Variants in ST14 observed in about 807,000 individuals in gnomAD.
ST14 encodes the protein suppressor of tumorigenicity 14 protein.
Under a neutral mutation model 96.5 loss-of-function variants are expected in ST14, and 40 were observed. The ratio of observed to expected loss-of-function variants is 0.41; its 90% CI spans 0.32 to 0.54. ST14 has a LOEUF of 0.54. Among genes scored for constraint, ST14 ranks in the 20% least tolerant of loss-of-function variants. The probability of loss-of-function intolerance (pLI) is 0.17; values close to 1 mark genes in which losing one functional copy is unlikely to be tolerated. For synonymous variants in ST14, 506 were observed against 492.1 expected, an observed-to-expected ratio of 1.03 and a Z score of -0.37; for missense variants, 1,066 against 1,188.9, an observed-to-expected ratio of 0.90 and a Z score of 1.52.
intron 1 of ST14, among the ~76,000 whole-genome samples, chr11:130,184,643 G>T (rs1953221573): frequency 6.6e-6 from 1 of 152,170 alleles, no homozygotes; most frequent in Non-Finnish European, 1.5e-5. Context: ...AAAGGACATT[G>T]TTAGAAATAC....
intron 16 of ST14, among the ~76,000 whole-genome samples, chr11:130,208,144 G>A (rs1953507771): frequency 6.6e-6 from 1 of 152,166 alleles, no homozygotes; most frequent in Admixed American, 6.5e-5. Flanking sequence ...GATCAGGTTC[G>A]TAAGATAACT....
At chr11:130,175,454 A>G (rs1416985169) in intron 1 of ST14, among the ~76,000 whole-genome samples, 5 of 151,706 alleles carry the variant, frequency 3.3e-5, no homozygotes, top group Admixed American at 2.0e-4. Flanking sequence ...ATCTCGGCTC[A>G]TCCCAACCTC....
At chr11:130,198,903 C>T (rs1953398490) in intron 14 of ST14, 44 bp from the exon 15 acceptor site, 1 of 1,612,596 alleles carries the variant, frequency 6.2e-7, no homozygotes, top group Non-Finnish European at 8.5e-7. Flanking sequence ...TGGTCGGATG[C>T]TGCAGAGGAA....
chr11:130,196,331 TC>T lies in ST14; in HGVS notation c.1114-5del, dbSNP rs1953362848. On this transcript the variant is annotated splice_polypyrimidine_tract_variant and splice_region_variant and intron_variant, in intron 9 of 18. Transcript: ENST00000278742. Reference sequence around the variant, plus strand: ...ACTGCACATTCCCAGCAGCCTCTCTTCCCTCAGGTGCCCAACAACCAGCATG... The same window carrying T: ...ACTGCACATTCCCAGCAGCCTCTCTTCCTCAGGTGCCCAACAACCAGCATG... The T allele has an allele frequency of 6.3e-7, 1 of 1,578,088 alleles. No homozygotes were observed. Among genetic ancestry groups the T allele is most frequent in the Non-Finnish European group, 8.6e-7 (1 of 1,161,604 alleles).
chr11:130,191,960 ATCT>A (rs1486095770), intron 7 of ST14, among the ~76,000 whole-genome samples: 2 of 152,164 alleles, frequency 1.3e-5, no homozygotes, highest in African/African-American at 2.4e-5. Flanking sequence ...GTCCTTTCCT[ATCT>A]CTAAGCATTG....
rs575076987 is a variant in ST14 at position 130,210,018 on chromosome 11, G to A, written c.*195G>A. The A allele has an allele frequency of 7.2e-6, 5 of 697,300 alleles. No homozygotes were observed. In the East Asian group the frequency reaches 1.1e-4, roughly 15 times the overall value. 43.2% of individuals were successfully genotyped at this position (697,300 alleles called of 1,614,324 possible). A position where few individuals can be genotyped will look rare whatever the true frequency, so the allele number is the denominator to read the frequency against. The stretch of plus-strand genomic sequence containing the variant: ...TCAGCCTCCAAAGTGGAGCTGGGAG[G>A]TAGAAGGGGAGGACACTGGTGGTTC... On this transcript the variant is annotated 3_prime_UTR_variant, in exon 19 of 19. Transcript: ENST00000278742.
At position 130,196,397 on chromosome 11, in the gene ST14, G is replaced by T. The variant is rs1372052747; in HGVS notation, c.1172G>T (p.Gly391Val). The T allele has an allele frequency of 6.2e-7, 1 of 1,610,162 alleles. No individual in the cohort carries two copies. Among genetic ancestry groups the T allele is most frequent in the Non-Finnish European group, 8.5e-7 (1 of 1,178,588 alleles). ...AAATTCTTCTACCTGCTGGAGCCCG[G>T]CGTGCCTGCGGGCACCTGCCCCAAG... ...RFKFFYLLEP[G>V]VPAGTCPKDY... The change falls in exon 10 of 19, where the codon GGC (glycine) becomes GTC (valine). Residue 391 changes from glycine to valine, a missense_variant. By Grantham distance (109) the Gly-to-Val change is moderately radical. Coordinates refer to ENST00000278742, the MANE Select transcript of ST14 (RefSeq NM_021978.4).
chr11:130,177,012 A>G (rs576837740), intron 1 of ST14, among the ~76,000 whole-genome samples: 3 of 149,898 alleles, frequency 2.0e-5, no homozygotes, highest in Non-Finnish European at 4.4e-5. Flanking sequence ...GTTAGCCAAG[A>G]TGATCTCGAT....
chr11:130,190,951 G>C (rs925333652), intron 7 of ST14, among the ~76,000 whole-genome samples: 1 of 152,238 alleles, frequency 6.6e-6, no homozygotes, highest in African/African-American at 2.4e-5. Flanking sequence ...TGTGCGGCCT[G>C]TGCCCTGAAC....
chr11:130,192,107 G>A (rs868139612), intron 7 of ST14, among the ~76,000 whole-genome samples: 2 of 152,226 alleles, frequency 1.3e-5, no homozygotes, highest in South Asian at 4.1e-4. Flanking sequence ...GCTGTGCGTG[G>A]TGGGTGAGCC....
intron 1 of ST14, among the ~76,000 whole-genome samples, chr11:130,173,989 T>C (rs1207225945): frequency 6.6e-6 from 1 of 152,188 alleles, no homozygotes; most frequent in Admixed American, 6.5e-5. Flanking sequence ...TTTAAGACAA[T>C]GAAAACCTTG....
At chr11:130,160,722 G>T (rs1346804758) in intron 1 of ST14, among the ~76,000 whole-genome samples, 1 of 152,200 alleles carries the variant, frequency 6.6e-6, no homozygotes. Flanking sequence ...TTGGCAGAAA[G>T]AACAATGAAA....
At chr11:130,168,114 G>C (rs976718154) in intron 1 of ST14, among the ~76,000 whole-genome samples, 1 of 152,176 alleles carries the variant, frequency 6.6e-6, no homozygotes, top group Non-Finnish European at 1.5e-5. Context: ...TTCATCGAGG[G>C]AACATATCAT....
In ST14 at chr11:130,209,994, C is replaced by T. The variant is rs555249025; in HGVS notation, c.*171C>T. Reference sequence around the variant, plus strand: ...CTGCCTAGAAAACCTCTCGCTTCCTCAGCCTCCAAAGTGGAGCTGGGAGGT... The same window carrying T: ...CTGCCTAGAAAACCTCTCGCTTCCTTAGCCTCCAAAGTGGAGCTGGGAGGT... On this transcript the variant is annotated 3_prime_UTR_variant, in exon 19 of 19. Transcript: ENST00000278742. The T allele has an allele frequency of 8.6e-6, 7 of 810,336 alleles. No individual in the cohort carries two copies. The South Asian group carries it at 1.3e-4, about 15-fold the overall frequency. 50.2% of individuals were successfully genotyped at this position (810,336 alleles called of 1,614,324 possible). A position where few individuals can be genotyped will look rare whatever the true frequency, so the allele number is the denominator to read the frequency against.
chr11:130,178,680 G>T (rs1240970711), intron 1 of ST14, among the ~76,000 whole-genome samples: 3 of 152,224 alleles, frequency 2.0e-5, no homozygotes. Flanking sequence ...TTGGCCGTGG[G>T]TCAGCTTTGT....
At chr11:130,198,249 C>T (rs1047395807) in intron 12 of ST14, 59 bp from the exon 13 acceptor site, 3 of 1,513,558 alleles carry the variant, frequency 2.0e-6, no homozygotes, top group Non-Finnish European at 2.8e-6. Context: ...GCCTGGGCAT[C>T]CTGGGGAAGC....
In ST14 at chr11:130,200,044, C is replaced by T; in HGVS notation, c.1901C>T (p.Ala634Val). The T allele has an allele frequency of 6.2e-7, 1 of 1,614,192 alleles. No homozygotes were observed. Among genetic ancestry groups the T allele is most frequent in the South Asian group, 1.1e-5 (1 of 91,090 alleles). ...TGGCCCTGGCAGGTAAGCCTGCATG[C>T]TCTGGGCCAGGGCCACATCTGCGGT... ...GEWPWQVSLH[A>V]LGQGHICGAS... Residue 634 changes from alanine to valine, a missense_variant, in exon 16 of 19, where the codon GCT becomes GTT. Transcript: ENST00000278742.
At chr11:130,164,258 A>G (rs963507194) in intron 1 of ST14, among the ~76,000 whole-genome samples, 1 of 152,210 alleles carries the variant, frequency 6.6e-6, no homozygotes, top group Non-Finnish European at 1.5e-5. Context: ...AATCGTTAGC[A>G]TTTATTGAGC....
intron 1 of ST14, among the ~76,000 whole-genome samples, chr11:130,161,523 C>G (rs1010075743): frequency 2.0e-5 from 3 of 152,198 alleles, no homozygotes; most frequent in Non-Finnish European, 4.4e-5. Context: ...TGTGGTCCAG[C>G]CTCCTCTCTG....
Sources: allele counts gnomAD v4.1 joint callset (sites outside exome capture counted in the v4.1 genomes callset), GRCh38; gene constraint gnomAD v4.1.1; transcripts MANE v1.5; gene names NCBI Gene and HGNC (gene_info 2026-07-23, HGNC 2026-07-21).